Variants in LCE2B observed in about 807,000 individuals in gnomAD.
LCE2B encodes the protein late cornified envelope protein 2B.
For synonymous variants in LCE2B, 69 were observed against 52.0 expected, an observed-to-expected ratio of 1.33 and a Z score of -1.40; for missense variants, 175 against 141.6, an observed-to-expected ratio of 1.24 and a Z score of -1.20.
In LCE2B at chr1:152,687,380, G is replaced by A; in HGVS notation, c.*204G>A. On this transcript the variant is annotated 3_prime_UTR_variant, in exon 2 of 2. Coordinates refer to ENST00000368780, the MANE Select transcript of LCE2B (RefSeq NM_014357.5). Reference sequence around the variant, plus strand: ...CTCCTTTACCTCATGTTATAATAAAGCTCTGATTTCTGACTCACAAATTGT... The same window carrying A: ...CTCCTTTACCTCATGTTATAATAAAACTCTGATTTCTGACTCACAAATTGT... 2.9e-6 allele frequency: 2 copies of A among 689,624 alleles called. No homozygotes were observed. The highest frequency in any genetic ancestry group is 2.5e-5 in the South Asian group (1 of 39,558). The allele number at this position is 689,624 out of a possible 1,614,324, so 42.7% of individuals were successfully genotyped here.
chr1:152,687,183 C>T lies in LCE2B; in HGVS notation c.*7C>T, dbSNP rs1055466208. The T allele has an allele frequency of 6.2e-7, 1 of 1,610,412 alleles. No individual in the cohort carries two copies. The highest frequency in any genetic ancestry group is 1.3e-5 in the African/African-American group (1 of 74,676). ...CTCTGGGGGCTGCTGCTGACCTGGG[C>T]TAAGAAGAACTCTTTGGACAGAATG... On this transcript the variant is annotated 3_prime_UTR_variant, in exon 2 of 2. Transcript: ENST00000368780.
chr1:152,686,643 G>A (rs1230939159), intron 1 of LCE2B, among the ~76,000 whole-genome samples, 181 bp from the exon 2 acceptor site: 4 of 151,812 alleles, frequency 2.6e-5, no homozygotes, highest in African/African-American at 4.9e-5. Context: ...AAGCTCATTC[G>A]GTTGGTTTTT....
At position 152,686,964 on chromosome 1, in the gene LCE2B, T is replaced by G. The variant is rs755570329; in HGVS notation, c.121T>G (p.Ser41Ala). 9.3e-6 allele frequency: 15 copies of G among 1,612,804 alleles called. No homozygotes were observed. The highest frequency in any genetic ancestry group is 1.3e-5 in the Non-Finnish European group (15 of 1,179,986). Residue 41 changes from serine (S) to alanine (A), a missense_variant, in exon 2 of 2, where the codon TCC (serine) becomes GCC (alanine). Ser to Ala is a moderately conservative substitution (Grantham distance 99). Transcript: ENST00000368780. ...KCLPQCPAPC[S>A]PAVSSCCGPI... is the part of the protein sequence containing the mutation. ...CCTGCCCCAGTGCCCAGCTCCATGTTCCCCTGCAGTCTCTTCTTGCTGTGG... is the reference window on the plus strand; with the variant it reads ...CCTGCCCCAGTGCCCAGCTCCATGTGCCCCTGCAGTCTCTTCTTGCTGTGG...
chr1:152,686,920 C>T lies in LCE2B; in HGVS notation c.77C>T (p.Pro26Leu), dbSNP rs749868466. 176 of 1,614,040 alleles carry T rather than the reference C, an allele frequency of 1.1e-4. No homozygotes were observed. Among genetic ancestry groups the T allele is most frequent in the Non-Finnish European group, 1.4e-4 (171 of 1,180,040 alleles). The change falls in exon 2 of 2, where the codon CCT becomes CTT. Residue 26 changes from proline (P) to leucine (L), a missense_variant. Transcript: ENST00000368780. ...CPPKCTPKCP[P>L]KCPPKCLPQC... The stretch of plus-strand genomic sequence containing the variant: ...CCCAAGTGTACCCCAAAATGTCCAC[C>T]TAAGTGTCCCCCTAAATGCCTGCCC...
chr1:152,687,122 G>T lies in LCE2B; in HGVS notation c.279G>T (p.Glu93Asp). 1 of 1,613,764 alleles carries T rather than the reference G, an allele frequency of 6.2e-7. No homozygotes were observed. Among genetic ancestry groups the T allele is most frequent in the Non-Finnish European group, 8.5e-7 (1 of 1,179,920 alleles). Residue 93 changes from glutamate (E) to aspartate (D), a missense_variant, in exon 2 of 2, where the codon GAG becomes GAT. Glu to Asp is a conservative substitution (Grantham distance 45). Coordinates refer to ENST00000368780, the MANE Select transcript of LCE2B (RefSeq NM_014357.5). ...RRRHQSPDCCESEPSGGSGCC... is the reference protein window; with the variant it reads ...RRRHQSPDCCDSEPSGGSGCC... ...GGCACCAGAGCCCCGACTGCTGTGAGAGTGAACCTTCTGGGGGCTCTGGCT... is the reference window on the plus strand; with the variant it reads ...GGCACCAGAGCCCCGACTGCTGTGATAGTGAACCTTCTGGGGGCTCTGGCT...
rs765419284 is a variant in LCE2B at position 152,687,208 on chromosome 1, G to GT, written c.*35dup. Reference sequence around the variant, plus strand: ...CTAAGAAGAACTCTTTGGACAGAATGTTTAAGAACCTCCTACAGCCTGATG... The same window carrying GT: ...CTAAGAAGAACTCTTTGGACAGAATGTTTTAAGAACCTCCTACAGCCTGATG... On this transcript the variant is annotated 3_prime_UTR_variant, in exon 2 of 2. Coordinates refer to ENST00000368780, the MANE Select transcript of LCE2B (RefSeq NM_014357.5). 66 of 1,592,898 alleles carry GT rather than the reference G, an allele frequency of 4.1e-5. No individual in the cohort carries two copies. The highest frequency in any genetic ancestry group is 5.2e-5 in the Non-Finnish European group (61 of 1,170,408).
intron 1 of LCE2B, 68 bp from the exon 2 acceptor site, chr1:152,686,756 G>C (rs558373412): frequency 2.0e-5 from 31 of 1,520,604 alleles, no homozygotes; most frequent in Non-Finnish European, 2.8e-5. Flanking sequence ...CACATGCATT[G>C]ATTTTAGAAG....
In LCE2B at chr1:152,686,993, C is replaced by T. The variant is rs775570740; in HGVS notation, c.150C>T (p.Pro50=). 14 of 1,612,838 alleles carry T rather than the reference C, an allele frequency of 8.7e-6. No individual in the cohort carries two copies. The East Asian group carries it at 2.9e-4, about 33-fold the overall frequency. Reference sequence around the variant, plus strand: ...CTGCAGTCTCTTCTTGCTGTGGTCCCATCTCTGGGGGCTGCTGTGGTCCCA... The same window carrying T: ...CTGCAGTCTCTTCTTGCTGTGGTCCTATCTCTGGGGGCTGCTGTGGTCCCA... ...CSPAVSSCCG[P]ISGGCCGPSS... Residue 50 remains proline (P), a synonymous_variant, in exon 2 of 2, where the codon CCC becomes CCT. Coordinates refer to ENST00000368780, the MANE Select transcript of LCE2B (RefSeq NM_014357.5).
chr1:152,686,679 A>G, intron 1 of LCE2B, 145 bp from the exon 2 acceptor site: 1 of 1,161,180 alleles, frequency 8.6e-7, no homozygotes, highest in Non-Finnish European at 1.2e-6. Flanking sequence ...TATTTAGAGG[A>G]AAGATTCAAG....
In LCE2B at chr1:152,687,193, C is replaced by A; in HGVS notation, c.*17C>A. On this transcript the variant is annotated 3_prime_UTR_variant, in exon 2 of 2. Coordinates refer to ENST00000368780, the MANE Select transcript of LCE2B (RefSeq NM_014357.5). ...TGCTGCTGACCTGGGCTAAGAAGAA[C>A]TCTTTGGACAGAATGTTTAAGAACC... The A allele has an allele frequency of 1.2e-6, 2 of 1,602,854 alleles. No homozygotes were observed. Among genetic ancestry groups the A allele is most frequent in the Non-Finnish European group, 1.7e-6 (2 of 1,174,978 alleles).
rs1413084940 is a variant in LCE2B at position 152,687,346 on chromosome 1, T to C, written c.*170T>C. On this transcript the variant is annotated 3_prime_UTR_variant, in exon 2 of 2. Transcript: ENST00000368780. ...TTGATGGAGCACCTCAATTGCAGGT[T>C]TTGTTTTCCTCCTTTACCTCATGTT... 7.7e-6 allele frequency: 7 copies of C among 903,908 alleles called. No homozygotes were observed. The African/African-American group carries it at 1.2e-4, about 15-fold the overall frequency. 56.0% of individuals were successfully genotyped at this position (903,908 alleles called of 1,614,324 possible). A position where few individuals can be genotyped will look rare whatever the true frequency, so the allele number is the denominator to read the frequency against.
Position 152,686,838 on chromosome 1 carries a change from G to A in LCE2B, c.-6G>A. On this transcript the variant is annotated 5_prime_UTR_variant, in exon 2 of 2. Transcript: ENST00000368780. Reference sequence around the variant, plus strand: ...TTATCTTTCAGGTTGACTAAACTCTGCCAGGATGTCTTGCCAGCAAAACCA... The same window carrying A: ...TTATCTTTCAGGTTGACTAAACTCTACCAGGATGTCTTGCCAGCAAAACCA... 2 of 1,614,050 alleles carry A rather than the reference G, an allele frequency of 1.2e-6. No homozygotes were observed. Among genetic ancestry groups the A allele is most frequent in the Non-Finnish European group, 1.7e-6 (2 of 1,179,978 alleles).
intron 1 of LCE2B, among the ~76,000 whole-genome samples, chr1:152,686,583 A>G (rs536529015): frequency 4.6e-5 from 7 of 152,020 alleles, no homozygotes; most frequent in Non-Finnish European, 1.5e-5. Flanking sequence ...TACTCTATTC[A>G]GGCTTGTGAG....
chr1:152,686,302 T>C (rs1649129196), intron 1 of LCE2B, 146 bp downstream of exon 1: 1 of 155,688 alleles, frequency 6.4e-6, no homozygotes, highest in Non-Finnish European at 1.4e-5. Context: ...CTGTTGAGGC[T>C]GTGAGGCCTA....
chr1:152,686,729 A>G (rs1649145201), intron 1 of LCE2B, 95 bp from the exon 2 acceptor site: 1 of 1,435,730 alleles, frequency 7.0e-7, no homozygotes, highest in Non-Finnish European at 9.5e-7. Context: ...TATGATCTAA[A>G]TATCATTCTT....
In LCE2B at chr1:152,687,309, A is replaced by G. The variant is rs115230870; in HGVS notation, c.*133A>G. ...CAAAGACTCATGGGGCTTCCCTGGG[A>G]GAACTTTGCACTTGATGGAGCACCT... On this transcript the variant is annotated 3_prime_UTR_variant, in exon 2 of 2. Transcript: ENST00000368780. The G allele has an allele frequency of 1.9e-3, 2,486 of 1,332,168 alleles. 40 individuals carry two copies. The African/African-American group carries it at 0.032, about 17-fold the overall frequency. The allele number at this position is 1,332,168 out of a possible 1,614,324, so 82.5% of individuals were successfully genotyped here.
At position 152,686,850 on chromosome 1, in the gene LCE2B, T is replaced by G. The variant is rs1373949791; in HGVS notation, c.7T>G (p.Cys3Gly). The change falls in exon 2 of 2, where the codon TGC becomes GGC. Residue 3 changes from cysteine to glycine, a missense_variant. Coordinates refer to ENST00000368780, the MANE Select transcript of LCE2B (RefSeq NM_014357.5). MS[C>G]QQNQQQCQPP... ...TTGACTAAACTCTGCCAGGATGTCT[T>G]GCCAGCAAAACCAGCAGCAGTGCCA... The G allele has an allele frequency of 1.2e-6, 2 of 1,614,048 alleles. No homozygotes were observed. The highest frequency in any genetic ancestry group is 1.7e-6 in the Non-Finnish European group (2 of 1,180,036).
Position 152,687,225 on chromosome 1 carries a change from A to C in LCE2B, c.*49A>C. The C allele has an allele frequency of 1.3e-6, 2 of 1,569,350 alleles. No homozygotes were observed. Among genetic ancestry groups the C allele is most frequent in the Middle Eastern group, 1.7e-4 (1 of 5,798 alleles). ...GACAGAATGTTTAAGAACCTCCTACAGCCTGATGCTTAACCCTTTCCATTT... is the reference window on the plus strand; with the variant it reads ...GACAGAATGTTTAAGAACCTCCTACCGCCTGATGCTTAACCCTTTCCATTT... On this transcript the variant is annotated 3_prime_UTR_variant, in exon 2 of 2. Transcript: ENST00000368780.
chr1:152,686,531 T>C (rs897426796), intron 1 of LCE2B, among the ~76,000 whole-genome samples: 6 of 151,986 alleles, frequency 3.9e-5, no homozygotes, highest in Admixed American at 3.9e-4. Flanking sequence ...AGCTGGTCCT[T>C]AGGGCTTGTA....
Sources: gnomAD v4.1 joint callset for allele counts (sites outside exome capture counted in the v4.1 genomes callset) on GRCh38, gnomAD v4.1.1 for gene constraint, MANE v1.5 for transcripts, NCBI Gene and HGNC (gene_info 2026-07-23, HGNC 2026-07-21) for gene names.